The following IGF2 variants were observed in gnomAD, a reference collection of about 807,000 sequenced individuals.
IGF2 encodes the protein insulin-like growth factor 2.
In IGF2, 2 loss-of-function variants were observed where a neutral mutation model predicts 12.0. That is an observed-to-expected ratio of 0.17 (90% confidence interval 0.07 to 0.52). IGF2 has a LOEUF of 0.52. Among genes scored for constraint, IGF2 ranks in the 20% least tolerant of loss-of-function variants. IGF2 has a pLI of 0.95. For synonymous variants in IGF2, 105 were observed against 110.1 expected (o/e 0.95, Z 0.29); for missense variants, 211 against 268.0 (o/e 0.79, Z 1.48).
At chr11:2,137,535 G>T (rs898025152) in intron 1 of IGF2, among the ~76,000 whole-genome samples, 4 of 151,932 alleles carry the variant, frequency 2.6e-5, no homozygotes, top group Non-Finnish European at 5.9e-5. Context: ...GTGAAGGGGG[G>T]GGGGGTCTCC....
intron 1 of IGF2, 69 bp from the exon 2 acceptor site, chr11:2,135,598 C>T (rs1440005105): frequency 6.9e-7 from 1 of 1,452,416 alleles, no homozygotes; most frequent in African/African-American, 1.4e-5. Flanking sequence ...GTGCCCCTCC[C>T]AAACCAAATT....
Position 2,132,550 on chromosome 11 carries a change from T to C in IGF2, c.*437A>G, listed in dbSNP as rs888061706. On this transcript the variant is annotated 3_prime_UTR_variant, in exon 4 of 4. Coordinates refer to ENST00000416167, the MANE Select transcript of IGF2 (RefSeq NM_000612.6). ...TCAGCCAATTCGTTTTTAATACTTT[T>C]TTTTTTTAGCCAATTGATTTTTTTT... is the stretch of plus-strand genomic sequence containing the variant. 2.2e-4 allele frequency: 47 copies of C among 213,938 alleles called. No individual in the cohort carries two copies. Among genetic ancestry groups the C allele is most frequent in the Non-Finnish European group, 3.9e-4 (41 of 105,884 alleles). 13.3% of individuals were successfully genotyped at this position (213,938 alleles called of 1,614,324 possible).
rs1392006199 is a variant in IGF2 at position 2,138,602 on chromosome 11, G to C, written c.-380C>G. 3 of 973,098 alleles carry C rather than the reference G, an allele frequency of 3.1e-6. No homozygotes were observed. The highest frequency in any genetic ancestry group is 2.3e-4 in the East Asian group (2 of 8,634). The allele number at this position is 973,098 out of a possible 1,614,324, so 60.3% of individuals were successfully genotyped here. A position where few individuals can be genotyped will look rare whatever the true frequency, so the allele number is the denominator to read the frequency against. ...GAGGGCGAGGGGGAGAGAGGACAGC[G>C]AGAGGCGGGCAGGCGCACAGCGGGA... On this transcript the variant is annotated 5_prime_UTR_variant, in exon 1 of 4. Coordinates refer to ENST00000416167, the MANE Select transcript of IGF2 (RefSeq NM_000612.6).
Position 2,130,594 on chromosome 11 carries a change from A to C in IGF2, c.*2393T>G, listed in dbSNP as rs907090633. ...AGGAGGGGTAAAAAAAAAACAAAAAAAAAAAAAAAAGGAAAAATGCCCCAA... is the reference window on the plus strand; with the variant it reads ...AGGAGGGGTAAAAAAAAAACAAAAACAAAAAAAAAAGGAAAAATGCCCCAA... On this transcript the variant is annotated 3_prime_UTR_variant, in exon 4 of 4. Transcript: ENST00000416167. 3 of 219,220 alleles carry C rather than the reference A, an allele frequency of 1.4e-5. No individual in the cohort carries two copies. The East Asian group carries it at 1.9e-4, about 14-fold the overall frequency. The allele number at this position is 219,220 out of a possible 1,614,324, so 13.6% of individuals were successfully genotyped here.
intron 1 of IGF2, chr11:2,137,425 C>G (rs960663129): frequency 5.3e-5 from 9 of 169,152 alleles, no homozygotes; most frequent in African/African-American, 2.2e-4. Flanking sequence ...CCCAGCCAGT[C>G]TCTTCTCTCC....
At chr11:2,140,469 A>G (rs1444731746), upstream of IGF2, 5 of 497,684 alleles carry the variant, frequency 1.0e-5, no homozygotes, top group Middle Eastern at 4.9e-4. Context: ...TCGCTCCGCC[A>G]TCAATCACTT....
chr11:2,146,141 C>T (rs749010312), upstream of IGF2: 4 of 479,624 alleles, frequency 8.3e-6, no homozygotes, highest in South Asian at 1.6e-5. Context: ...TCAGACTCAC[C>T]CCATGGAGCC....
rs770477972 is a variant in IGF2 at position 2,130,588 on chromosome 11, C to CAAA, written c.*2396_*2398dup. On this transcript the variant is annotated 3_prime_UTR_variant, in exon 4 of 4. Coordinates refer to ENST00000416167, the MANE Select transcript of IGF2 (RefSeq NM_000612.6). Reference sequence around the variant, plus strand: ...AAGCTAAGGAGGGGTAAAAAAAAAACAAAAAAAAAAAAAAAAGGAAAAATG... The same window carrying CAAA: ...AAGCTAAGGAGGGGTAAAAAAAAAACAAAAAAAAAAAAAAAAAAAGGAAAAATG... 22 of 101,352 alleles carry CAAA rather than the reference C, an allele frequency of 2.2e-4. No homozygotes were observed. The highest frequency in any genetic ancestry group is 6.9e-4 in the African/African-American group (18 of 26,132). 6.3% of individuals were successfully genotyped at this position (101,352 alleles called of 1,614,324 possible). A position where few individuals can be genotyped will look rare whatever the true frequency, so the allele number is the denominator to read the frequency against.
Position 2,138,312 on chromosome 11 carries a change from C to T in IGF2, c.-90G>A. ...GGCGTTGGCCCTCCTGCCGGACACT[C>T]CTCTGCCAGCGCCGCTCTGGCCGAG... On this transcript the variant is annotated 5_prime_UTR_variant, in exon 1 of 4. Coordinates refer to ENST00000416167, the MANE Select transcript of IGF2 (RefSeq NM_000612.6). 1 of 984,938 alleles carries T rather than the reference C, an allele frequency of 1.0e-6. No individual in the cohort carries two copies. Among genetic ancestry groups the T allele is most frequent in the Non-Finnish European group, 1.2e-6 (1 of 829,692 alleles). 61.0% of individuals were successfully genotyped at this position (984,938 alleles called of 1,614,324 possible). A position where few individuals can be genotyped will look rare whatever the true frequency, so the allele number is the denominator to read the frequency against.
chr11:2,137,151 A>G (rs1037334748), intron 1 of IGF2: 2 of 844,138 alleles, frequency 2.4e-6, no homozygotes, highest in Non-Finnish European at 2.9e-6. Context: ...CTGGAGTGGG[A>G]TGGCAGCGGG....
In IGF2 at chr11:2,133,669, G is replaced by C. The variant is rs1273130773; in HGVS notation, c.158-4C>G. ...CTCACACGGCTTGCGGGCCTGCCTG[G>C]AAGTCCCACAGCACAGAGAGAGCCG... On this transcript the variant is annotated splice_region_variant and splice_polypyrimidine_tract_variant and intron_variant, in intron 2 of 3. Coordinates refer to ENST00000416167, the MANE Select transcript of IGF2 (RefSeq NM_000612.6). This position sits in a 1 kb window ranked among gnomAD's most constrained non-coding sequence, Gnocchi z 8.9. 1.2e-6 allele frequency: 2 copies of C among 1,612,768 alleles called. No individual in the cohort carries two copies. The highest frequency in any genetic ancestry group is 1.7e-6 in the Non-Finnish European group (2 of 1,179,980).
the IGF2 span, chr11:2,149,289 TG>T: frequency 1.5e-5 from 25 of 1,613,586 alleles, no homozygotes; most frequent in Non-Finnish European, 2.1e-5. Context: ...GCCCTGGCTG[TG>T]GCGTCCAGAC....
upstream of IGF2, among the ~76,000 whole-genome samples, chr11:2,144,378 C>T (rs1477504247): frequency 7.3e-6 from 1 of 137,030 alleles, no homozygotes; most frequent in Non-Finnish European, 1.7e-5. Flanking sequence ...CTTGGGGGCC[C>T]GGAGCACCCC....
At position 2,132,726 on chromosome 11, in the gene IGF2, G is replaced by C. The variant is rs1187390528; in HGVS notation, c.*261C>G. The C allele has an allele frequency of 2.4e-5, 9 of 379,040 alleles. No individual in the cohort carries two copies. The highest frequency in any genetic ancestry group is 8.9e-5 in the Admixed American group (2 of 22,578). The allele number at this position is 379,040 out of a possible 1,614,324, so 23.5% of individuals were successfully genotyped here. On this transcript the variant is annotated 3_prime_UTR_variant, in exon 4 of 4. Transcript: ENST00000416167. ...GTGTGGGGATAATTGGGGATAATTT[G>C]GGGGGAGGGTATGTGAAGGGTGTTT... is the stretch of plus-strand genomic sequence containing the variant.
chr11:2,146,422 G>A, the IGF2 span: 15 of 533,370 alleles, frequency 2.8e-5, no homozygotes, highest in Admixed American at 7.8e-5. Flanking sequence ...ACTCGCTGGC[G>A]TCAGCCCGGC....
At chr11:2,134,202 T>TC in intron 2 of IGF2, 1 of 470,052 alleles carries the variant, frequency 2.1e-6, no homozygotes, top group Admixed American at 2.5e-5. Context: ...CCTCCCGTCT[T>TC]CCCCCTCTCC....
upstream of IGF2, among the ~76,000 whole-genome samples, chr11:2,144,799 C>A (rs950287438): frequency 2.6e-5 from 4 of 151,960 alleles, no homozygotes; most frequent in Admixed American, 2.6e-4. Flanking sequence ...GAGGGGGCAC[C>A]GCTGGGGACC....
chr11:2,138,666 T>C lies in IGF2; in HGVS notation c.-444A>G, dbSNP rs1428464486. 2 of 954,226 alleles carry C rather than the reference T, an allele frequency of 2.1e-6. No homozygotes were observed. The highest frequency in any genetic ancestry group is 2.4e-6 in the Non-Finnish European group (2 of 818,662). 59.1% of individuals were successfully genotyped at this position (954,226 alleles called of 1,614,324 possible). A position where few individuals can be genotyped will look rare whatever the true frequency, so the allele number is the denominator to read the frequency against. On this transcript the variant is annotated 5_prime_UTR_variant, in exon 1 of 4. Transcript: ENST00000416167. ...AGAGAAACAGAAAGCGTGTAATTAA[T>C]CCACTTTGGTTCGGCGAAGGCGAGA...
chr11:2,133,382 G>A lies in IGF2; in HGVS notation c.306+135C>T, dbSNP rs916925386. ...AGGAGCCAGCGTCTGAGCTGCTCCC[G>A]GGCCACACAGCAAGCAAGGAAGTCA... On this transcript the variant is annotated intron_variant, in intron 3 of 3. Coordinates refer to ENST00000416167, the MANE Select transcript of IGF2 (RefSeq NM_000612.6). This position sits in a 1 kb window ranked among gnomAD's most constrained non-coding sequence, Gnocchi z 8.9. 27 of 1,104,936 alleles carry A rather than the reference G, an allele frequency of 2.4e-5. 1 individual carries two copies. In the Middle Eastern group the frequency reaches 9.6e-4, roughly 39 times the overall value. The allele number at this position is 1,104,936 out of a possible 1,614,324, so 68.4% of individuals were successfully genotyped here.
Sources: allele counts gnomAD v4.1 joint callset (sites outside exome capture counted in the v4.1 genomes callset), GRCh38; gene constraint gnomAD v4.1.1; non-coding constraint Gnocchi (gnomAD v3.1); transcripts MANE v1.5; gene names NCBI Gene and HGNC (gene_info 2026-07-23, HGNC 2026-07-21).